Variants in REDIC1 observed in about 807,000 individuals in gnomAD.
REDIC1 encodes the protein regulator of DNA class I crossover intermediates 1.
At chr12:39,752,882 T>C in the REDIC1 span, among the ~76,000 whole-genome samples, 72 of 152,334 alleles carry the variant, frequency 4.7e-4, no homozygotes, top group African/African-American at 1.5e-3. Flanking sequence ...TCCCAACTTC[T>C]ATGCAGTGGT....
chr12:39,838,564 G>A, the REDIC1 span, among the ~76,000 whole-genome samples: 5 of 149,162 alleles, frequency 3.4e-5, no homozygotes, highest in African/African-American at 1.2e-4. Context: ...GGAAAAGTAA[G>A]TATTCATATA....
At chr12:39,754,056 A>T in the REDIC1 span, among the ~76,000 whole-genome samples, 1 of 152,156 alleles carries the variant, frequency 6.6e-6, no homozygotes, top group Non-Finnish European at 1.5e-5. Context: ...CAAGGATTCC[A>T]CAATTTCTTT....
At chr12:39,843,206 C>G in the REDIC1 span, among the ~76,000 whole-genome samples, 1 of 151,962 alleles carries the variant, frequency 6.6e-6, no homozygotes. Context: ...AACTGACAGA[C>G]TCGTTTGTGC....
chr12:39,826,530 GA>G, the REDIC1 span, among the ~76,000 whole-genome samples: 1 of 146,690 alleles, frequency 6.8e-6, no homozygotes, highest in African/African-American at 2.5e-5. Context: ...CATATTTTAA[GA>G]GTTTACTCTT....
chr12:39,839,735 C>A, the REDIC1 span, among the ~76,000 whole-genome samples: 1 of 152,036 alleles, frequency 6.6e-6, no homozygotes, highest in African/African-American at 2.4e-5. Context: ...CTTTACATGA[C>A]CATTGCTATA....
chr12:39,726,215 G>A, the REDIC1 span, among the ~76,000 whole-genome samples: 6 of 151,616 alleles, frequency 4.0e-5, no homozygotes, highest in Non-Finnish European at 7.4e-5. Flanking sequence ...AGAATATGCA[G>A]GTTTGTTACA....
chr12:39,810,624 A>G, the REDIC1 span, among the ~76,000 whole-genome samples: 3 of 152,156 alleles, frequency 2.0e-5, no homozygotes, highest in African/African-American at 7.2e-5. Flanking sequence ...AAGAGATGTT[A>G]TGTATCAGGT....
the REDIC1 span, among the ~76,000 whole-genome samples, chr12:39,879,792 T>C: frequency 2.0e-5 from 3 of 152,036 alleles, no homozygotes; most frequent in South Asian, 2.1e-4. Context: ...TGAGGGACCA[T>C]TGGGAAGGCA....
At chr12:39,717,259 C>T in the REDIC1 span, among the ~76,000 whole-genome samples, 11,829 of 151,472 alleles carry the variant, frequency 0.078, 551 homozygotes, top group Non-Finnish European at 0.1. Flanking sequence ...GGTTTGACTC[C>T]GCCAAACTTA....
the REDIC1 span, among the ~76,000 whole-genome samples, chr12:39,727,450 C>T: frequency 6.6e-6 from 1 of 152,128 alleles, no homozygotes; most frequent in Non-Finnish European, 1.5e-5. Context: ...TGTCAAAGAT[C>T]AAATGGTTGT....
chr12:39,865,452 T>C, the REDIC1 span, among the ~76,000 whole-genome samples: 1 of 152,222 alleles, frequency 6.6e-6, no homozygotes, highest in Non-Finnish European at 1.5e-5. Context: ...ATATCACATA[T>C]ATTCTTTTTT....
the REDIC1 span, among the ~76,000 whole-genome samples, chr12:39,835,180 C>T: frequency 6.6e-6 from 1 of 152,024 alleles, no homozygotes; most frequent in Admixed American, 6.6e-5. Context: ...TATTTGTCCC[C>T]TTCCACAGTG....
the REDIC1 span, among the ~76,000 whole-genome samples, chr12:39,827,440 C>T: frequency 2.6e-5 from 4 of 152,146 alleles, no homozygotes; most frequent in East Asian, 5.8e-4. Context: ...AGGCCTGGAG[C>T]TTATCTCACT....
the REDIC1 span, among the ~76,000 whole-genome samples, chr12:39,711,772 CACATGCATGTGTATGTGTGTGT>C: frequency 1.5e-5 from 2 of 130,800 alleles, no homozygotes; most frequent in African/African-American, 2.8e-5. Flanking sequence ...TGTGTGTGTG[CACATGCATGTGTATGTGTGTGT>C]ACACATGCAT....
the REDIC1 span, among the ~76,000 whole-genome samples, chr12:39,661,818 G>A: frequency 2.0e-5 from 3 of 151,924 alleles, no homozygotes; most frequent in African/African-American, 7.2e-5. Context: ...ATTTTGAGTT[G>A]ATTTTTGTAT....
At chr12:39,742,377 A>G in the REDIC1 span, among the ~76,000 whole-genome samples, 3 of 152,200 alleles carry the variant, frequency 2.0e-5, no homozygotes, top group African/African-American at 7.2e-5. Flanking sequence ...GTGTTGATAA[A>G]TGAACTCTAA....
At chr12:39,703,098 A>G in the REDIC1 span, among the ~76,000 whole-genome samples, 2 of 152,326 alleles carry the variant, frequency 1.3e-5, no homozygotes, top group Middle Eastern at 3.4e-3. Context: ...ATTAGGCAGG[A>G]GAAGAAAATA....
the REDIC1 span, among the ~76,000 whole-genome samples, chr12:39,877,754 A>T: frequency 6.6e-6 from 1 of 152,234 alleles, no homozygotes; most frequent in Non-Finnish European, 1.5e-5. Context: ...CACTATATTT[A>T]CAATCTTCTA....
chr12:39,716,165 G>A, the REDIC1 span, among the ~76,000 whole-genome samples: 3 of 151,836 alleles, frequency 2.0e-5, no homozygotes, highest in African/African-American at 7.3e-5. Flanking sequence ...CATAAACAAG[G>A]GAACAGGAGT....
Sources: allele counts gnomAD v4.1 joint callset (sites outside exome capture counted in the v4.1 genomes callset), GRCh38; gene constraint gnomAD v4.1.1; transcripts MANE v1.5; gene names NCBI Gene and HGNC (gene_info 2026-07-23, HGNC 2026-07-21).